Variants in DNAH11 observed in about 807,000 individuals in gnomAD.
DNAH11 encodes the protein axonemal beta dynein heavy chain 11.
A neutral mutation model predicts 526.0 loss-of-function variants in DNAH11; 442 were observed. That is an observed-to-expected ratio of 0.84 (90% CI 0.78 to 0.91). The LOEUF is 0.91. DNAH11 is among the 40% of genes least tolerant of loss of function. The probability of loss-of-function intolerance (pLI) is 0.00; values close to 1 mark genes in which losing one functional copy is unlikely to be tolerated. For missense variants in DNAH11, 6,989 were observed against 5,448.7 expected (o/e 1.28, Z -8.90); for synonymous variants, 2,461 against 1,935.9 (o/e 1.27, Z -7.12).
At chr7:21,674,977 CTA>C (rs1431856737) in intron 30 of DNAH11, among the ~76,000 whole-genome samples, 1 of 152,216 alleles carries the variant, frequency 6.6e-6, no homozygotes, top group Non-Finnish European at 1.5e-5. Context: ...CTGAAGATCC[CTA>C]TTCTCACTGC....
chr7:21,611,334 A>G lies in DNAH11; in HGVS notation c.3853-3780A>G, dbSNP rs570735155. ...GCCCCGGACTGAGGATTACCCTATC[A>G]GCTTTCCTGGTTCTGAGGCCTTTGA... On this transcript the variant is annotated intron_variant, in intron 20 of 81. Transcript: ENST00000409508. 4.6e-5 allele frequency among the ~76,000 whole-genome samples: 7 copies of G among 152,252 alleles called. No individual in the cohort carries two copies. In the South Asian group the frequency reaches 1.5e-3, roughly 32 times the overall value.
At position 21,855,018 on chromosome 7, in the gene DNAH11, G is replaced by C. The variant is rs149551533; in HGVS notation, c.11202+563G>C. ...TATTATATTGGTGTATTGCTCCTGA[G>C]CAGTCTCTTAATTTTTTTTTTTTTT... On this transcript the variant is annotated intron_variant, in intron 68 of 81. Coordinates refer to ENST00000409508, the MANE Select transcript of DNAH11 (RefSeq NM_001277115.2). Among the ~76,000 whole-genome samples the C allele has an allele frequency of 3.0e-3, 441 of 148,560 alleles. 1 individual carries two copies. Among genetic ancestry groups the C allele is most frequent in the African/African-American group, 0.01 (417 of 40,090 alleles).
At chr7:21,859,077 T>G (rs896665347) in intron 68 of DNAH11, among the ~76,000 whole-genome samples, 3 of 152,206 alleles carry the variant, frequency 2.0e-5, no homozygotes, top group Non-Finnish European at 4.4e-5. Flanking sequence ...AGGCTATGTG[T>G]ATAAGGTGTC....
intron 35 of DNAH11, among the ~76,000 whole-genome samples, chr7:21,697,109 G>A (rs56712293): frequency 0.36 from 54,503 of 151,866 alleles, 14,508 homozygotes; most frequent in African/African-American, 0.71. Context: ...GAAGTAGACT[G>A]CAATTATATT....
intron 58 of DNAH11, among the ~76,000 whole-genome samples, chr7:21,784,796 A>G (rs1183827882): frequency 1.3e-5 from 2 of 152,104 alleles, no homozygotes; most frequent in Non-Finnish European, 2.9e-5. Flanking sequence ...ACAGTGTGGG[A>G]TTTATACTCT....
chr7:21,890,674 CTAA>C (rs1162951590), intron 76 of DNAH11, among the ~76,000 whole-genome samples: 4 of 152,124 alleles, frequency 2.6e-5, no homozygotes, highest in Admixed American at 2.0e-4. Context: ...CCATCATAGA[CTAA>C]TAATAATGAG....
chr7:21,561,214 C>T lies in DNAH11; in HGVS notation c.982+44C>T, dbSNP rs77364824. On this transcript the variant is annotated intron_variant, in intron 5 of 81. Coordinates refer to ENST00000409508, the MANE Select transcript of DNAH11 (RefSeq NM_001277115.2). ...AGCCTGGCATCAATATCACCATCTG[C>T]TCATGATCCAGCCCCTGCCTGCTCG... The T allele has an allele frequency of 3.9e-5, 55 of 1,404,232 alleles. No homozygotes were observed. In the East Asian group the frequency reaches 1.2e-3, roughly 30 times the overall value. 87.0% of individuals were successfully genotyped at this position (1,404,232 alleles called of 1,614,324 possible).
intron 29 of DNAH11, among the ~76,000 whole-genome samples, chr7:21,657,613 A>G (rs553164542): frequency 4.3e-4 from 65 of 152,320 alleles, no homozygotes; most frequent in African/African-American, 1.5e-3. Flanking sequence ...GACATACAAT[A>G]ATGACTGAAT....
At chr7:21,752,896 T>C (rs1028846179) in intron 54 of DNAH11, among the ~76,000 whole-genome samples, 36 of 152,210 alleles carry the variant, frequency 2.4e-4, no homozygotes, top group African/African-American at 8.4e-4. Flanking sequence ...GTATTTTTAG[T>C]AGAGACGGGG....
At chr7:21,622,178 GACAA>G (rs1447302741) in intron 25 of DNAH11, among the ~76,000 whole-genome samples, 6 of 152,202 alleles carry the variant, frequency 3.9e-5, no homozygotes, top group South Asian at 2.1e-4. Context: ...ACCAATAACA[GACAA>G]ACAGAGAGCC....
Position 21,604,531 on chromosome 7 carries a change from G to A in DNAH11, c.3649-1895G>A, listed in dbSNP as rs113811436. ...ACACTCACACCATCCTGTATTGGTC[G>A]TCATACCTCAAGGGATCTCACCCTA... On this transcript the variant is annotated intron_variant, in intron 18 of 81. Transcript: ENST00000409508. Among the ~76,000 whole-genome samples, 20 of 152,198 alleles carry A rather than the reference G, an allele frequency of 1.3e-4. 1 individual carries two copies. The highest frequency in any genetic ancestry group is 2.1e-4 in the Non-Finnish European group (14 of 68,006).
In DNAH11 at chr7:21,599,388, G is replaced by A. The variant is rs151210315; in HGVS notation, c.2668-399G>A. 3.8e-3 allele frequency among the ~76,000 whole-genome samples: 585 copies of A among 152,304 alleles called. 1 individual carries two copies. Among genetic ancestry groups the A allele is most frequent in the African/African-American group, 0.014 (567 of 41,568 alleles). On this transcript the variant is annotated intron_variant, in intron 14 of 81. Transcript: ENST00000409508. ...TGTTCCAGAACAGTGTTCTCTGAAGGACCAGTTTGACAGATCTCTTTATTT... is the reference window on the plus strand; with the variant it reads ...TGTTCCAGAACAGTGTTCTCTGAAGAACCAGTTTGACAGATCTCTTTATTT...
At chr7:21,818,484 A>G (rs1789913583) in intron 65 of DNAH11, 145 bp downstream of exon 65, 2 of 757,626 alleles carry the variant, frequency 2.6e-6, no homozygotes, top group East Asian at 6.3e-5. Context: ...CCAAGACCAA[A>G]GCAACTGCAA....
chr7:21,862,800 G>A (rs1055440112), intron 69 of DNAH11, among the ~76,000 whole-genome samples: 2 of 152,050 alleles, frequency 1.3e-5, no homozygotes, highest in Non-Finnish European at 2.9e-5. Context: ...GTTCATGGCC[G>A]GGCACGGTGG....
At position 21,866,505 on chromosome 7, in the gene DNAH11, C is replaced by A. The variant is rs1270202266; in HGVS notation, c.11532C>A (p.Asp3844Glu). ...IAVMEEFRGI[D>E]RDVEGSAKQW... ...TCATGGAAGAATTTCGAGGCATAGACCGAGATGTGGAAGGATCTGCCAAGC... is the reference window on the plus strand; with the variant it reads ...TCATGGAAGAATTTCGAGGCATAGAACGAGATGTGGAAGGATCTGCCAAGC... Residue 3844 changes from aspartate to glutamate, a missense_variant, in exon 71 of 82, where the codon GAC (aspartate) becomes GAA (glutamate). Coordinates refer to ENST00000409508, the MANE Select transcript of DNAH11 (RefSeq NM_001277115.2). The A allele has an allele frequency of 6.2e-7, 1 of 1,613,040 alleles. No individual in the cohort carries two copies. The highest frequency in any genetic ancestry group is 8.5e-7 in the Non-Finnish European group (1 of 1,179,618).
chr7:21,677,539 G>C (rs1782944334), intron 30 of DNAH11, among the ~76,000 whole-genome samples: 1 of 152,058 alleles, frequency 6.6e-6, no homozygotes, highest in Admixed American at 6.6e-5. Flanking sequence ...ACGTCACTAT[G>C]CCTGGCTGAT....
At chr7:21,746,526 C>T (rs1786159591) in intron 51 of DNAH11, among the ~76,000 whole-genome samples, 1 of 151,974 alleles carries the variant, frequency 6.6e-6, no homozygotes. Context: ...CTGCTAGAGC[C>T]CAGGAGTTCG....
intron 67 of DNAH11, 83 bp from the exon 68 acceptor site, chr7:21,854,232 C>T: frequency 6.9e-7 from 1 of 1,458,868 alleles, no homozygotes; most frequent in Non-Finnish European, 9.2e-7. Flanking sequence ...TTTTTCATTT[C>T]AGGTACGTCC....
chr7:21,627,069 T>C (rs911076080), intron 25 of DNAH11, among the ~76,000 whole-genome samples: 2 of 152,118 alleles, frequency 1.3e-5, no homozygotes, highest in Admixed American at 1.3e-4. Context: ...TTTTGAGAAA[T>C]GCCTATTCAA....
Sources: allele counts gnomAD v4.1 joint callset (sites outside exome capture counted in the v4.1 genomes callset), GRCh38; gene constraint gnomAD v4.1.1; transcripts MANE v1.5; gene names NCBI Gene and HGNC (gene_info 2026-07-23, HGNC 2026-07-21).